MOXD1: variants seen among roughly 807,000 people sequenced by gnomAD.
The protein encoded by MOXD1 is monooxygenase DBH like 1.
A neutral mutation model predicts 66.6 loss-of-function variants in MOXD1; 62 were observed. The ratio of observed to expected loss-of-function variants is 0.93; its 90% CI spans 0.76 to 1.15. The LOEUF (loss-of-function observed/expected upper bound fraction) is 1.15. Ranked by LOEUF, MOXD1 falls within the 50% of genes most tolerant of loss-of-function variation. The pLI, the probability that MOXD1 is intolerant of heterozygous loss-of-function variation, is 0.00. For synonymous variants in MOXD1, 303 were observed against 281.9 expected, an observed-to-expected ratio of 1.07 and a Z score of -0.75; for missense variants, 847 against 754.6, an observed-to-expected ratio of 1.12 and a Z score of -1.44.
intron 1 of MOXD1, among the ~76,000 whole-genome samples, chr6:132,384,680 A>AG (rs1562299347): frequency 2.0e-5 from 3 of 151,762 alleles, no homozygotes; most frequent in African/African-American, 7.3e-5. Flanking sequence ...AGTTTCCAGG[A>AG]AGAGATTAGC....
intron 4 of MOXD1, among the ~76,000 whole-genome samples, chr6:132,368,943 ATAAC>A (rs1776200324): frequency 2.0e-5 from 3 of 152,220 alleles, no homozygotes; most frequent in South Asian, 4.1e-4. Context: ...CTTAATAACA[ATAAC>A]TAATAATAAA....
At chr6:132,396,186 A>G (rs1415695099) in intron 1 of MOXD1, among the ~76,000 whole-genome samples, 1 of 152,218 alleles carries the variant, frequency 6.6e-6, no homozygotes, top group East Asian at 1.9e-4. Context: ...AATCATATCA[A>G]GTATCTTCTC....
Position 132,386,167 on chromosome 6 carries a change from C to G in MOXD1, c.265-11390G>C, listed in dbSNP as rs1373088874. 2.1e-5 allele frequency among the ~76,000 whole-genome samples: 3 copies of G among 143,872 alleles called. 1 individual carries two copies. Among genetic ancestry groups the G allele is most frequent in the African/African-American group, 7.9e-5 (3 of 38,154 alleles). 94.4% of individuals were successfully genotyped at this position (143,872 alleles called of 152,430 possible). A position where few individuals can be genotyped will look rare whatever the true frequency, so the allele number is the denominator to read the frequency against. On this transcript the variant is annotated intron_variant, in intron 1 of 11. Coordinates refer to ENST00000367963, the MANE Select transcript of MOXD1 (RefSeq NM_015529.4). ...CCTGTAATCCCAGCGCTTTGGGAGGCCGAGGCGGGCGGATCACGAGGTCAG... is the reference window on the plus strand; with the variant it reads ...CCTGTAATCCCAGCGCTTTGGGAGGGCGAGGCGGGCGGATCACGAGGTCAG...
chr6:132,397,691 A>C (rs1776925378), intron 1 of MOXD1, among the ~76,000 whole-genome samples: 1 of 131,712 alleles, frequency 7.6e-6, no homozygotes, highest in African/African-American at 2.8e-5. Flanking sequence ...AGAAAGAAAG[A>C]AAGAAAGAAA....
At chr6:132,368,446 T>C (rs1231406383) in intron 4 of MOXD1, among the ~76,000 whole-genome samples, 1 of 152,076 alleles carries the variant, frequency 6.6e-6, no homozygotes, top group African/African-American at 2.4e-5. Flanking sequence ...TATGCTGTCA[T>C]CTGATAATAC....
At chr6:132,355,550 C>T (rs1163804929) in intron 4 of MOXD1, among the ~76,000 whole-genome samples, 2 of 152,118 alleles carry the variant, frequency 1.3e-5, no homozygotes, top group Admixed American at 1.3e-4. Context: ...TGGAACTGTG[C>T]CATCACCATT....
At chr6:132,345,518 C>G (rs1362177333) in intron 4 of MOXD1, among the ~76,000 whole-genome samples, 1 of 152,152 alleles carries the variant, frequency 6.6e-6, no homozygotes, top group Non-Finnish European at 1.5e-5. Flanking sequence ...CTCATAATCT[C>G]CATCCATTAT....
intron 4 of MOXD1, among the ~76,000 whole-genome samples, chr6:132,365,358 C>T (rs1226243332): frequency 6.6e-6 from 1 of 152,070 alleles, no homozygotes; most frequent in Non-Finnish European, 1.5e-5. Flanking sequence ...GAGGCAGTGG[C>T]GTACTCAGTA....
chr6:132,309,173 C>T (rs546737334), intron 10 of MOXD1, among the ~76,000 whole-genome samples: 26 of 152,170 alleles, frequency 1.7e-4, no homozygotes, highest in Non-Finnish European at 3.2e-4. Flanking sequence ...TCAGCAAAGT[C>T]TCAGGATACA....
chr6:132,395,127 G>T lies in MOXD1; in HGVS notation c.264+6036C>A, dbSNP rs536008970. Among the ~76,000 whole-genome samples, 49 of 152,160 alleles carry T rather than the reference G, an allele frequency of 3.2e-4. No individual in the cohort carries two copies. In the South Asian group the frequency reaches 6.2e-3, roughly 19 times the overall value. ...CTAACAGCAGAAACCTTATAGACTA[G>T]GAAAGAATGGGCTGATATATTCAAG... On this transcript the variant is annotated intron_variant, in intron 1 of 11. Coordinates refer to ENST00000367963, the MANE Select transcript of MOXD1 (RefSeq NM_015529.4).
chr6:132,354,195 G>T (rs1775863415), intron 4 of MOXD1, among the ~76,000 whole-genome samples: 2 of 152,154 alleles, frequency 1.3e-5, no homozygotes, highest in African/African-American at 4.8e-5. Flanking sequence ...TTGCTGGTGA[G>T]CTAGTGTGAT....
intron 10 of MOXD1, among the ~76,000 whole-genome samples, chr6:132,312,339 C>G (rs1774847905): frequency 6.6e-6 from 1 of 151,938 alleles, no homozygotes; most frequent in South Asian, 2.1e-4. Context: ...TATGATATTC[C>G]TTTTTAGTAT....
chr6:132,310,305 A>T (rs1466008677), intron 10 of MOXD1, among the ~76,000 whole-genome samples: 1 of 152,246 alleles, frequency 6.6e-6, no homozygotes, highest in Non-Finnish European at 1.5e-5. Flanking sequence ...ATACCATCTC[A>T]TTCCAGTCAG....
At chr6:132,384,049 G>A (rs1776564319) in intron 1 of MOXD1, among the ~76,000 whole-genome samples, 1 of 152,150 alleles carries the variant, frequency 6.6e-6, no homozygotes, top group Non-Finnish European at 1.5e-5. Context: ...AGCCTGGGCG[G>A]CAGAGCAAGA....
At chr6:132,344,404 T>TG (rs768223744) in intron 4 of MOXD1, among the ~76,000 whole-genome samples, 12 of 152,084 alleles carry the variant, frequency 7.9e-5, no homozygotes, top group African/African-American at 2.7e-4. Context: ...GTTATTCATA[T>TG]GGGGGGAAAA....
In MOXD1 at chr6:132,303,860, TATATATATATATATATATAC is replaced by T. The variant is rs1263289932; in HGVS notation, c.1509-5925_1509-5906del. 3.2e-4 allele frequency among the ~76,000 whole-genome samples: 24 copies of T among 74,360 alleles called. No homozygotes were observed. The African/African-American group carries it at 3.4e-3, about 10-fold the overall frequency. The allele number at this position is 74,360 out of a possible 152,430, so 48.8% of individuals were successfully genotyped here. On this transcript the variant is annotated intron_variant, in intron 10 of 11. Coordinates refer to ENST00000367963, the MANE Select transcript of MOXD1 (RefSeq NM_015529.4). ...GTATATATATATATATATATATATA[TATATATATATATATATATAC>T]ATATATACATAAAACCTTAGGACAA...
At chr6:132,362,513 A>C (rs907508220) in intron 4 of MOXD1, among the ~76,000 whole-genome samples, 1 of 152,152 alleles carries the variant, frequency 6.6e-6, no homozygotes, top group Non-Finnish European at 1.5e-5. Context: ...TGAGATGCCA[A>C]CACTTCTAGT....
chr6:132,303,008 T>C lies in MOXD1; in HGVS notation c.1509-5053A>G, dbSNP rs138938252. Among the ~76,000 whole-genome samples the C allele has an allele frequency of 7.6e-3, 1,161 of 152,232 alleles. 15 individuals carry two copies. The highest frequency in any genetic ancestry group is 0.027 in the African/African-American group (1,104 of 41,558). On this transcript the variant is annotated intron_variant, in intron 10 of 11. Coordinates refer to ENST00000367963, the MANE Select transcript of MOXD1 (RefSeq NM_015529.4). Reference sequence around the variant, plus strand: ...ATATCTATATGAAAAACAAAGAACGTTGGATTTACCTTACACTACACACAA... The same window carrying C: ...ATATCTATATGAAAAACAAAGAACGCTGGATTTACCTTACACTACACACAA...
Position 132,384,349 on chromosome 6 carries a change from C to T in MOXD1, c.265-9572G>A, listed in dbSNP as rs557454530. On this transcript the variant is annotated intron_variant, in intron 1 of 11. Transcript: ENST00000367963. ...CCTTTTTTCCTCCTTCTTCCCTCTC[C>T]TTTCTTTCCCCAGCATATACTTTAT... 8.9e-4 allele frequency among the ~76,000 whole-genome samples: 135 copies of T among 151,192 alleles called. 1 individual carries two copies. The highest frequency in any genetic ancestry group is 1.5e-3 in the Non-Finnish European group (104 of 67,874).
Sources: gnomAD v4.1 joint callset for allele counts (sites outside exome capture counted in the v4.1 genomes callset) on GRCh38, gnomAD v4.1.1 for gene constraint, MANE v1.5 for transcripts, NCBI Gene and HGNC (gene_info 2026-07-23, HGNC 2026-07-21) for gene names.